Variants in LATS2 observed in about 807,000 individuals in gnomAD.
LATS2 encodes large tumor suppressor kinase 2.
A neutral mutation model predicts 76.0 loss-of-function variants in LATS2; 24 were observed. That is an observed-to-expected ratio of 0.32 (90% CI 0.23 to 0.44). The LOEUF is 0.44. LATS2 is among the 20% of genes least tolerant of loss of function. The pLI, the probability that LATS2 is intolerant of heterozygous loss-of-function variation, is 1.00. For missense variants in LATS2, 1,286 were observed against 1,481.2 expected (o/e 0.87, Z 2.16); for synonymous variants, 692 against 635.4 (o/e 1.09, Z -1.34).
chr13:20,994,114 G>A (rs1159970340), intron 2 of LATS2, among the ~76,000 whole-genome samples: 1 of 152,172 alleles, frequency 6.6e-6, no homozygotes, highest in Non-Finnish European at 1.5e-5. Flanking sequence ...CACTACTCAA[G>A]ATGTGTATGT....
rs1869529260 is a variant in LATS2, at chr13:20,975,000, A to G, written c.3137T>C (p.Phe1046Ser). 6.2e-7 allele frequency: 1 copy of G among 1,614,256 alleles called. No individual in the cohort carries two copies. Among genetic ancestry groups the G allele is most frequent in the Admixed American group, 1.7e-5 (1 of 60,030 alleles). ...TCGAAAGGGGTAGCCATTGTCATCA[A>G]AGAACCTTCGGAAGGTGAATTCGTA... ...AFYEFTFRRF[F>S]DDNGYPFRCP... Residue 1046 changes from phenylalanine (F) to serine (S), a missense_variant, in exon 8 of 8, where the codon TTT becomes TCT. This residue lies in a region of LATS2 where 210 missense variants were observed against 234.9 expected (regional missense o/e 0.89). Coordinates refer to ENST00000382592, the MANE Select transcript of LATS2 (RefSeq NM_014572.3).
chr13:21,037,829 T>A (rs535655792), intron 2 of LATS2, among the ~76,000 whole-genome samples: 1 of 148,226 alleles, frequency 6.7e-6, no homozygotes, highest in Admixed American at 6.7e-5. Context: ...CCAGGGCGGG[T>A]AGGGCCAGGG....
In LATS2 at chr13:21,013,377, G is replaced by A. The variant is rs117228363; in HGVS notation, c.343-21973C>T. ...TTGGACTATGACTAATGTGCATGAG[G>A]GAATATTAATGATTATACCTTATAA... On this transcript the variant is annotated intron_variant, in intron 2 of 7. Coordinates refer to ENST00000382592, the MANE Select transcript of LATS2 (RefSeq NM_014572.3). Among the ~76,000 whole-genome samples, 171 of 152,206 alleles carry A rather than the reference G, an allele frequency of 1.1e-3. 1 individual carries two copies. The highest frequency in any genetic ancestry group is 2.1e-3 in the Non-Finnish European group (144 of 68,016).
rs73443313 is a variant in LATS2, at chr13:20,992,548, G to A, written c.343-1144C>T. Among the ~76,000 whole-genome samples, 1,395 of 152,260 alleles carry A rather than the reference G, an allele frequency of 9.2e-3. 14 individuals carry two copies. The highest frequency in any genetic ancestry group is 0.031 in the African/African-American group (1,300 of 41,532). On this transcript the variant is annotated intron_variant, in intron 2 of 7. Coordinates refer to ENST00000382592, the MANE Select transcript of LATS2 (RefSeq NM_014572.3). ...GGCAAACAGGGAGGGTGAGCAGAGA[G>A]AAAAGAACACCGTTGAGGCTGGCTG...
intron 2 of LATS2, among the ~76,000 whole-genome samples, chr13:21,027,294 T>C (rs1872345161): frequency 6.6e-6 from 1 of 152,206 alleles, no homozygotes; most frequent in Admixed American, 6.6e-5. Context: ...TTTCTCAAGG[T>C]TGCAAGATTT....
At position 20,988,563 on chromosome 13, in the gene LATS2, G is replaced by C; in HGVS notation, c.1217C>G (p.Thr406Ser). 3 of 1,585,150 alleles carry C rather than the reference G, an allele frequency of 1.9e-6. No individual in the cohort carries two copies. The highest frequency in any genetic ancestry group is 2.6e-6 in the Non-Finnish European group (3 of 1,174,020). ...CGGCTGGTGGCTGTTGAAGGAGTTGGTCCTGCTGGGCACTGGGCAGTCAGG... is the reference window on the plus strand; with the variant it reads ...CGGCTGGTGGCTGTTGAAGGAGTTGCTCCTGCTGGGCACTGGGCAGTCAGG... ...FRPDCPVPSR[T>S]NSFNSHQPRP... Residue 406 changes from threonine (T) to serine (S), a missense_variant, in exon 4 of 8, where the codon ACC becomes AGC. By Grantham distance (58) the Thr-to-Ser change is moderately conservative. Transcript: ENST00000382592.
At chr13:21,013,400 TA>T (rs766538188) in intron 2 of LATS2, among the ~76,000 whole-genome samples, 13 of 152,178 alleles carry the variant, frequency 8.5e-5, no homozygotes, top group Non-Finnish European at 1.6e-4. Context: ...TTATACCTTA[TA>T]AAAGTAAAAA....
In LATS2 at chr13:20,989,080, C is replaced by T. The variant is rs1595217151; in HGVS notation, c.700G>A (p.Gly234Ser). ...GCTGCCTCTACGCTGGCACCGTAGC[C>T]CTTGGGTGGGTGCTGGTGCTGGTGG... The part of the protein sequence containing the change: ...PGHQHQHPPK[G>S]YGASVEAAGA... The change falls in exon 4 of 8, where the codon GGC (glycine) becomes AGC (serine). Residue 234 changes from glycine (G) to serine (S), a missense_variant. Gly to Ser is a moderately conservative substitution (Grantham distance 56). Transcript: ENST00000382592. 6.3e-7 allele frequency: 1 copy of T among 1,595,884 alleles called. No homozygotes were observed. Among genetic ancestry groups the T allele is most frequent in the Non-Finnish European group, 8.5e-7 (1 of 1,173,782 alleles).
At chr13:21,002,503 T>C (rs1378984734) in intron 2 of LATS2, among the ~76,000 whole-genome samples, 1 of 150,964 alleles carries the variant, frequency 6.6e-6, no homozygotes, top group Non-Finnish European at 1.5e-5. Context: ...GCCTCCAGAG[T>C]AGTTGGGACT....
chr13:21,022,664 T>C (rs189962638), intron 2 of LATS2, among the ~76,000 whole-genome samples: 169 of 152,288 alleles, frequency 1.1e-3, no homozygotes, highest in African/African-American at 4.0e-3. Context: ...GTTTACTGCC[T>C]GAGCCACAGA....
rs1870333858 is a variant in LATS2 at position 20,988,721 on chromosome 13, G to A, written c.1059C>T (p.Asn353=). 4 of 1,565,582 alleles carry A rather than the reference G, an allele frequency of 2.6e-6. No individual in the cohort carries two copies. The highest frequency in any genetic ancestry group is 3.4e-6 in the Non-Finnish European group (4 of 1,163,054). ...PPQSLLTPSR[N]SLNVDLYELG... is the part of the protein sequence containing the mutation. ...ATTCATACAGGTCCACGTTGAGGCT[G>A]TTCCGCGAGGGAGTGAGCAGGCTCT... The change falls in exon 4 of 8, where the codon AAC becomes AAT. Residue 353 remains asparagine, a synonymous_variant. Transcript: ENST00000382592.
chr13:20,975,100 C>A lies in LATS2; in HGVS notation c.3037G>T (p.Asp1013Tyr). ...DPVDEESPWN[D>Y]ASEGSTKAWD... ...GCCTTGGTGCTACCTTCGCTGGCAT[C>A]GTTCCAAGGGCTTTCTTCATCTACG... The change falls in exon 8 of 8, where the codon GAT becomes TAT. Residue 1013 changes from aspartate to tyrosine, a missense_variant. By Grantham distance (160) the Asp-to-Tyr change is radical. This residue lies in a region of LATS2 where 210 missense variants were observed against 234.9 expected (regional missense o/e 0.89). Coordinates refer to ENST00000382592, the MANE Select transcript of LATS2 (RefSeq NM_014572.3). 6.2e-7 allele frequency: 1 copy of A among 1,614,182 alleles called. No homozygotes were observed. The highest frequency in any genetic ancestry group is 8.5e-7 in the Non-Finnish European group (1 of 1,180,042).
At chr13:21,037,469 C>T (rs968320988) in intron 2 of LATS2, among the ~76,000 whole-genome samples, 6 of 152,002 alleles carry the variant, frequency 3.9e-5, no homozygotes, top group Non-Finnish European at 5.9e-5. Flanking sequence ...ATGTTTATGA[C>T]GTAATGCTTG....
At position 21,045,678 on chromosome 13, in the gene LATS2, T is replaced by C; in HGVS notation, c.342+7A>G. The C allele has an allele frequency of 6.2e-7, 1 of 1,610,086 alleles. No individual in the cohort carries two copies. The highest frequency in any genetic ancestry group is 1.1e-5 in the South Asian group (1 of 90,372). On this transcript the variant is annotated splice_region_variant and intron_variant, in intron 2 of 7. Coordinates refer to ENST00000382592, the MANE Select transcript of LATS2 (RefSeq NM_014572.3). ...CTGCACATGGCCCTGCAGAGGTCTG[T>C]ACCCACCTGGTCGCATCCTGCGTTC...
rs561166704 is a variant in LATS2 at position 20,988,615 on chromosome 13, G to A, written c.1165C>T (p.Pro389Ser). The change falls in exon 4 of 8, where the codon CCG (proline) becomes TCG (serine). Residue 389 changes from proline (P) to serine (S), a missense_variant. Pro to Ser is a moderately conservative substitution (Grantham distance 74). Coordinates refer to ENST00000382592, the MANE Select transcript of LATS2 (RefSeq NM_014572.3). ...CGGAAGGCCACGTGCGCGCGCGGCGGCGCCTCCAGGCCCGGCTTCTGCAGG... is the reference window on the plus strand; with the variant it reads ...CGGAAGGCCACGTGCGCGCGCGGCGACGCCTCCAGGCCCGGCTTCTGCAGG... ...DSLQKPGLEAPPRAHVAFRPD... is the reference protein window; with the variant it reads ...DSLQKPGLEASPRAHVAFRPD... 2 of 1,589,166 alleles carry A rather than the reference G, an allele frequency of 1.3e-6. No homozygotes were observed. The highest frequency in any genetic ancestry group is 1.3e-5 in the African/African-American group (1 of 74,348).
At chr13:21,030,925 A>T (rs1306697341) in intron 2 of LATS2, among the ~76,000 whole-genome samples, 1 of 150,380 alleles carries the variant, frequency 6.6e-6, no homozygotes, top group African/African-American at 2.5e-5. Flanking sequence ...ATTTTCTCAG[A>T]TTTTTGTTCC....
chr13:21,020,193 C>G lies in LATS2; in HGVS notation c.342+25492G>C, dbSNP rs528021642. Among the ~76,000 whole-genome samples the G allele has an allele frequency of 5.4e-4, 82 of 152,198 alleles. 1 individual carries two copies. Among genetic ancestry groups the G allele is most frequent in the African/African-American group, 1.9e-3 (80 of 41,546 alleles). Reference sequence around the variant, plus strand: ...CAATTCCCACTGTGACATAGGGAAGCCTGGCAAGATTCTTCATCAAAGCAA... The same window carrying G: ...CAATTCCCACTGTGACATAGGGAAGGCTGGCAAGATTCTTCATCAAAGCAA... On this transcript the variant is annotated intron_variant, in intron 2 of 7. Coordinates refer to ENST00000382592, the MANE Select transcript of LATS2 (RefSeq NM_014572.3).
At chr13:21,060,008 T>C (rs1873575568) in intron 1 of LATS2, among the ~76,000 whole-genome samples, 1 of 152,212 alleles carries the variant, frequency 6.6e-6, no homozygotes. Context: ...AGTTAAGTTC[T>C]TTCATGGTGA....
intron 2 of LATS2, among the ~76,000 whole-genome samples, chr13:21,013,402 A>C (rs1270871167): frequency 6.6e-6 from 1 of 152,186 alleles, no homozygotes; most frequent in African/African-American, 2.4e-5. Context: ...ATACCTTATA[A>C]AAGTAAAAAT....
Sources: allele counts gnomAD v4.1 joint callset (sites outside exome capture counted in the v4.1 genomes callset), GRCh38; gene constraint gnomAD v4.1.1; regional missense constraint gnomAD v4.1.1; transcripts MANE v1.5; gene names NCBI Gene and HGNC (gene_info 2026-07-23, HGNC 2026-07-21).